Variants in SORCS2 observed in about 807,000 individuals in gnomAD.
SORCS2 encodes sortilin related VPS10 domain containing receptor 2, also known as VPS10 domain-containing receptor SorCS2.
SORCS2 carries 100 observed loss-of-function variants against 141.6 expected under a neutral mutation model. The observed-to-expected ratio is 0.71, with a 90% CI of 0.60 to 0.83. The LOEUF is 0.83. SORCS2 is among the 40% of genes least tolerant of loss of function. The pLI is 0.00. For missense variants in SORCS2, 1,646 were observed against 1,560.2 expected (o/e 1.05, Z -0.93); for synonymous variants, 789 against 676.9 (o/e 1.17, Z -2.57).
At chr4:7,603,202 G>A (rs962430460) in intron 3 of SORCS2, among the ~76,000 whole-genome samples, 1 of 152,122 alleles carries the variant, frequency 6.6e-6, no homozygotes, top group South Asian at 2.1e-4. Flanking sequence ...GAGGGGGAGA[G>A]GGAGAGCTAA....
intron 2 of SORCS2, chr4:7,431,875 G>A (rs1486835979): frequency 6.6e-6 from 1 of 152,196 alleles, no homozygotes; most frequent in African/African-American, 2.4e-5. Flanking sequence ...CTCACATCCC[G>A]TCCATCCAGG....
At chr4:7,340,799 C>T (rs1216293113) in intron 1 of SORCS2, among the ~76,000 whole-genome samples, 7 of 152,240 alleles carry the variant, frequency 4.6e-5, no homozygotes, top group Non-Finnish European at 7.3e-5. Flanking sequence ...TATTCCCATC[C>T]TGCGCTTGGG....
chr4:7,446,591 T>A (rs1728017026), intron 2 of SORCS2, among the ~76,000 whole-genome samples: 1 of 152,136 alleles, frequency 6.6e-6, no homozygotes, highest in African/African-American at 2.4e-5. Flanking sequence ...CCTGCTCCTT[T>A]GTCCCCAGCA....
intron 1 of SORCS2, among the ~76,000 whole-genome samples, chr4:7,336,319 C>T (rs140475631): frequency 2.6e-5 from 4 of 152,316 alleles, no homozygotes; most frequent in Non-Finnish European, 5.9e-5. Flanking sequence ...TTCTGGGTGG[C>T]GGTGTCTCCC....
At chr4:7,705,175 G>A (rs900296530) in intron 14 of SORCS2, among the ~76,000 whole-genome samples, 2 of 152,156 alleles carry the variant, frequency 1.3e-5, no homozygotes, top group South Asian at 2.1e-4. Flanking sequence ...TGGGGGAGGA[G>A]GCCGGGGAGG....
At chr4:7,283,165 C>G (rs1486790416) in intron 1 of SORCS2, among the ~76,000 whole-genome samples, 2 of 152,218 alleles carry the variant, frequency 1.3e-5, no homozygotes, top group African/African-American at 4.8e-5. Context: ...CCATGGTGAG[C>G]AAGACCCTGC....
At chr4:7,657,184 G>A (rs1271449739) in intron 5 of SORCS2, among the ~76,000 whole-genome samples, 1 of 152,262 alleles carries the variant, frequency 6.6e-6, no homozygotes, top group Non-Finnish European at 1.5e-5. Context: ...AGAAATGGCT[G>A]TGGGAAGTGC....
At chr4:7,283,356 G>T (rs967899569) in intron 1 of SORCS2, among the ~76,000 whole-genome samples, 1 of 152,222 alleles carries the variant, frequency 6.6e-6, no homozygotes, top group African/African-American at 2.4e-5. Context: ...GGGCTGCTTT[G>T]CAGGGGAGCA....
At chr4:7,453,245 T>G (rs1399761398) in intron 2 of SORCS2, among the ~76,000 whole-genome samples, 1 of 111,750 alleles carries the variant, frequency 8.9e-6, no homozygotes, top group African/African-American at 3.7e-5. Flanking sequence ...TGTGTTGGGG[T>G]CAGGTGCTGT....
At chr4:7,472,705 C>T (rs796671045) in intron 2 of SORCS2, among the ~76,000 whole-genome samples, 44 of 152,266 alleles carry the variant, frequency 2.9e-4, no homozygotes, top group African/African-American at 5.1e-4. Flanking sequence ...GGTCACATCC[C>T]GCTGGCCCCA....
intron 3 of SORCS2, among the ~76,000 whole-genome samples, chr4:7,603,273 C>G (rs1173511339): frequency 1.3e-5 from 2 of 150,934 alleles, no homozygotes; most frequent in South Asian, 2.2e-4. Flanking sequence ...TTTCCTAACA[C>G]CTTTTCTCCC....
chr4:7,472,653 G>A (rs553097191), intron 2 of SORCS2, among the ~76,000 whole-genome samples: 211 of 152,304 alleles, frequency 1.4e-3, no homozygotes, highest in African/African-American at 4.7e-3. Context: ...ACACGGGAGG[G>A]CAGACTAAAG....
intron 3 of SORCS2, among the ~76,000 whole-genome samples, chr4:7,539,826 C>T (rs983163187): frequency 1.3e-5 from 2 of 151,574 alleles, no homozygotes; most frequent in Non-Finnish European, 1.5e-5. Flanking sequence ...GGCCCCACCC[C>T]TTCCTGTTGT....
chr4:7,346,524 G>A (rs1720662422), intron 1 of SORCS2, among the ~76,000 whole-genome samples: 1 of 152,146 alleles, frequency 6.6e-6, no homozygotes, highest in African/African-American at 2.4e-5. Context: ...GTTATTGGGT[G>A]GAGTATTTTA....
intron 11 of SORCS2, among the ~76,000 whole-genome samples, chr4:7,693,028 C>T (rs1724358148): frequency 6.6e-6 from 1 of 152,200 alleles, no homozygotes; most frequent in South Asian, 2.1e-4. Flanking sequence ...GAGAATCAGC[C>T]ATGTTGATCC....
intron 1 of SORCS2, among the ~76,000 whole-genome samples, chr4:7,269,877 T>C (rs538869605): frequency 7.2e-5 from 11 of 152,328 alleles, no homozygotes; most frequent in Admixed American, 2.6e-4. Context: ...ATGTGGATTG[T>C]ACTACTTATT....
At chr4:7,409,953 T>C (rs577424302) in intron 2 of SORCS2, among the ~76,000 whole-genome samples, 8 of 152,358 alleles carry the variant, frequency 5.3e-5, no homozygotes, top group African/African-American at 1.7e-4. Context: ...TTTTAACATA[T>C]GTTGTGAATG....
At chr4:7,253,767 C>T (rs574793098) in intron 1 of SORCS2, among the ~76,000 whole-genome samples, 4 of 152,368 alleles carry the variant, frequency 2.6e-5, no homozygotes, top group East Asian at 1.9e-4. Flanking sequence ...CAGGAGGCCC[C>T]TGCCTTGCAG....
At chr4:7,535,290 G>C (rs2109559660) in intron 3 of SORCS2, among the ~76,000 whole-genome samples, 1 of 152,328 alleles carries the variant, frequency 6.6e-6, no homozygotes, top group East Asian at 1.9e-4. Context: ...GATGCTGCAG[G>C]AACTGCTGTC....
Sources: allele counts gnomAD v4.1 joint callset (sites outside exome capture counted in the v4.1 genomes callset), GRCh38; gene constraint gnomAD v4.1.1; transcripts MANE v1.5; gene names NCBI Gene and HGNC (gene_info 2026-07-23, HGNC 2026-07-21).